Variants in NOX4 observed in about 807,000 individuals in gnomAD.
NOX4 encodes the protein kidney oxidase-1.
A neutral mutation model predicts 87.6 loss-of-function variants in NOX4; 69 were observed. The ratio of observed to expected loss-of-function variants is 0.79; its 90% CI spans 0.65 to 0.96. The LOEUF (loss-of-function observed/expected upper bound fraction) is 0.96. Ranked by LOEUF, NOX4 falls within the 40% of genes least tolerant of loss-of-function variation. NOX4 has a pLI of 0.00. For synonymous variants in NOX4, 275 were observed against 238.2 expected (o/e 1.15, Z -1.42); for missense variants, 680 against 681.5 (o/e 1.00, Z 0.02).
chr11:89,461,328 C>CA (rs1245503017), intron 2 of NOX4, among the ~76,000 whole-genome samples: 5 of 151,320 alleles, frequency 3.3e-5, no homozygotes, highest in African/African-American at 1.2e-4. Context: ...GAATATGAAA[C>CA]AAAAAAATAA....
At chr11:89,533,559 G>A in the NOX4 span, 2 of 150,488 alleles carry the variant, frequency 1.3e-5, no homozygotes, top group African/African-American at 4.9e-5. Context: ...CTGCTCTAGA[G>A]GGCTGCTAAA....
the NOX4 span, among the ~76,000 whole-genome samples, chr11:89,582,651 C>T: frequency 2.6e-3 from 402 of 152,238 alleles, 3 homozygotes; most frequent in African/African-American, 9.2e-3. Flanking sequence ...GTCTGTGACC[C>T]CAGCTTCTCT....
At chr11:89,547,327 G>A in the NOX4 span, among the ~76,000 whole-genome samples, 60 of 152,176 alleles carry the variant, frequency 3.9e-4, no homozygotes, top group Admixed American at 3.0e-3. Context: ...GTAAATTTTC[G>A]GACATGGCAA....
intron 2 of NOX4, among the ~76,000 whole-genome samples, chr11:89,465,536 G>A (rs930822103): frequency 4.5e-4 from 68 of 152,226 alleles, no homozygotes; most frequent in African/African-American, 1.6e-3. Context: ...TTCTATTCTA[G>A]ATCCTTGAGG....
At chr11:89,458,382 C>T (rs1349790280) in intron 2 of NOX4, among the ~76,000 whole-genome samples, 1 of 152,090 alleles carries the variant, frequency 6.6e-6, no homozygotes, top group East Asian at 1.9e-4. Context: ...GTAAAAATAC[C>T]ATTCAGGACA....
intron 11 of NOX4, among the ~76,000 whole-genome samples, chr11:89,381,767 C>T (rs1242105305): frequency 6.6e-6 from 1 of 152,198 alleles, no homozygotes; most frequent in East Asian, 1.9e-4. Context: ...CACCTACAAC[C>T]TCTGGTCCTC....
intron 8 of NOX4, among the ~76,000 whole-genome samples, chr11:89,413,931 A>G (rs1302351137): frequency 6.6e-6 from 1 of 152,122 alleles, no homozygotes; most frequent in Admixed American, 6.6e-5. Context: ...TTAAAAATAG[A>G]AAAGTTTTTT....
intron 4 of NOX4, among the ~76,000 whole-genome samples, chr11:89,448,586 A>T (rs745461133): frequency 3.9e-5 from 6 of 152,104 alleles, no homozygotes; most frequent in African/African-American, 1.2e-4. Flanking sequence ...TCACATTGTA[A>T]TTTTCATTCA....
chr11:89,453,605 T>C (rs575278373), intron 2 of NOX4, among the ~76,000 whole-genome samples: 1 of 152,314 alleles, frequency 6.6e-6, no homozygotes, highest in Admixed American at 6.5e-5. Context: ...TCTCTTACTA[T>C]TAGCCACACA....
the NOX4 span, among the ~76,000 whole-genome samples, chr11:89,532,147 G>C: frequency 1.3e-5 from 2 of 152,194 alleles, no homozygotes; most frequent in Non-Finnish European, 2.9e-5. Context: ...CCCCACTGGG[G>C]CACTGCCTAG....
chr11:89,365,753 C>CAAAAAAAAAAAAAAAAAAAAAAAA (rs1213376592), intron 12 of NOX4, among the ~76,000 whole-genome samples: 1 of 56,660 alleles, frequency 1.8e-5, no homozygotes, highest in Admixed American at 2.4e-4. Context: ...ACCACGCCCA[C>CAAAAAAAAAAAAAAAAAAAAAAAA]AAAAAAAAAA....
At chr11:89,372,840 G>A (rs1049670990) in intron 12 of NOX4, among the ~76,000 whole-genome samples, 6 of 151,794 alleles carry the variant, frequency 4.0e-5, no homozygotes, top group Admixed American at 6.6e-5. Context: ...TTACTCTGGC[G>A]GGTCAAGGAA....
intron 7 of NOX4, among the ~76,000 whole-genome samples, chr11:89,431,512 C>A (rs370054529): frequency 2.0e-5 from 3 of 152,128 alleles, no homozygotes; most frequent in African/African-American, 7.2e-5. Context: ...AAGAAAAAAA[C>A]AAACAACCCC....
chr11:89,522,780 A>G, the NOX4 span, among the ~76,000 whole-genome samples: 1 of 152,244 alleles, frequency 6.6e-6, no homozygotes, highest in African/African-American at 2.4e-5. Context: ...AAGTAGAATT[A>G]GTCCTTAGGA....
intron 11 of NOX4, among the ~76,000 whole-genome samples, chr11:89,389,949 T>C (rs1941014310): frequency 6.6e-6 from 1 of 152,146 alleles, no homozygotes; most frequent in African/African-American, 2.4e-5. Context: ...TAATATAATA[T>C]TTGCAAAAGC....
chr11:89,387,501 A>C (rs1196055182), intron 11 of NOX4, among the ~76,000 whole-genome samples: 2 of 152,098 alleles, frequency 1.3e-5, no homozygotes, highest in Non-Finnish European at 2.9e-5. Context: ...GGTGATTAAA[A>C]AGCTTTATTG....
chr11:89,371,004 A>T (rs1027263982), intron 12 of NOX4, among the ~76,000 whole-genome samples: 11 of 152,062 alleles, frequency 7.2e-5, no homozygotes, highest in Non-Finnish European at 1.5e-4. Context: ...AGTTTTAAAA[A>T]AATAAACCTT....
chr11:89,437,697 C>G (rs1001187322), intron 6 of NOX4, among the ~76,000 whole-genome samples: 1 of 152,028 alleles, frequency 6.6e-6, no homozygotes, highest in African/African-American at 2.4e-5. Context: ...AGCAGCCCTT[C>G]CCAACCCAAG....
At chr11:89,450,393 G>A (rs1262090668) in intron 3 of NOX4, among the ~76,000 whole-genome samples, 1 of 152,042 alleles carries the variant, frequency 6.6e-6, no homozygotes, top group Non-Finnish European at 1.5e-5. Context: ...TATCTATCCA[G>A]CGGTGCTTTG....
Sources: gnomAD v4.1 joint callset for allele counts (sites outside exome capture counted in the v4.1 genomes callset) on GRCh38, gnomAD v4.1.1 for gene constraint, MANE v1.5 for transcripts, NCBI Gene and HGNC (gene_info 2026-07-23, HGNC 2026-07-21) for gene names.